ZNF574: variants seen among roughly 807,000 people sequenced by gnomAD.
ZNF574 encodes the protein zinc finger protein 574.
ZNF574 carries 25 observed loss-of-function variants against 56.6 expected under a neutral mutation model. That is an observed-to-expected ratio of 0.44 (90% confidence interval 0.32 to 0.62). The LOEUF is 0.62. ZNF574 is among the 20% of genes least tolerant of loss of function. The pLI, the probability that ZNF574 is intolerant of heterozygous loss-of-function variation, is 0.04. For missense variants in ZNF574, 1,065 were observed against 1,218.9 expected (o/e 0.87, Z 1.88); for synonymous variants, 543 against 492.1 (o/e 1.10, Z -1.37).
chr19:42,076,318 G>C (rs940135774), intron 1 of ZNF574, 32 bp downstream of exon 1: 1 of 152,160 alleles, frequency 6.6e-6, no homozygotes. Flanking sequence ...GAGGCCGGCC[G>C]GGCTGCGCTC....
chr19:42,080,322 G>T lies in ZNF574; in HGVS notation c.1716G>T (p.Val572=). 1 of 1,614,204 alleles carries T rather than the reference G, an allele frequency of 6.2e-7. No homozygotes were observed. Among genetic ancestry groups the T allele is most frequent in the East Asian group, 2.2e-5 (1 of 44,878 alleles). Reference sequence around the variant, plus strand: ...CCACACTGAGGCAGCACCGCTTGGTGCATGCCCAGCACTTCCCCTACCGCT... The same window carrying T: ...CCACACTGAGGCAGCACCGCTTGGTTCATGCCCAGCACTTCCCCTACCGCT... ...QSSTLRQHRL[V]HAQHFPYRCQ... Residue 572 remains valine (V), a synonymous_variant, in exon 2 of 2, where the codon GTG becomes GTT. Transcript: ENST00000359044. This position sits in a 1 kb window ranked among gnomAD's most constrained non-coding sequence, Gnocchi z 8.5.
chr19:42,078,186 A>T (rs2146212722), intron 1 of ZNF574, among the ~76,000 whole-genome samples: 1 of 151,974 alleles, frequency 6.6e-6, no homozygotes, highest in Non-Finnish European at 1.5e-5. Flanking sequence ...GGTACCTTGG[A>T]GAGGAATGGG....
chr19:42,069,830 G>C (rs927409685), intron 1 of ZNF574, among the ~76,000 whole-genome samples: 1 of 152,102 alleles, frequency 6.6e-6, no homozygotes, highest in Admixed American at 6.5e-5. Context: ...CAGCCCCCAC[G>C]GGAAAAGCAT....
chr19:42,069,901 G>A (rs185877956), intron 1 of ZNF574, among the ~76,000 whole-genome samples: 52 of 152,216 alleles, frequency 3.4e-4, no homozygotes, highest in African/African-American at 1.1e-3. Flanking sequence ...TGGGAGACCC[G>A]GAGAGGCCAA....
chr19:42,072,745 T>C (rs1237700665), upstream of ZNF574, among the ~76,000 whole-genome samples: 6 of 152,176 alleles, frequency 3.9e-5, no homozygotes, highest in Non-Finnish European at 5.9e-5. Flanking sequence ...TTTGTATTTT[T>C]AGTAGAGACG....
chr19:42,071,616 C>G (rs2076423658), upstream of ZNF574, among the ~76,000 whole-genome samples: 1 of 152,116 alleles, frequency 6.6e-6, no homozygotes, highest in Non-Finnish European at 1.5e-5. Context: ...TCTACACCGC[C>G]CCCTCAAACA....
chr19:42,075,105 C>G (rs974022683), upstream of ZNF574: 1 of 152,122 alleles, frequency 6.6e-6, no homozygotes, highest in African/African-American at 2.4e-5. Flanking sequence ...AGGTGGGTCT[C>G]GAATGCCTGA....
chr19:42,081,028 C>T lies in ZNF574; in HGVS notation c.2422C>T (p.Arg808Cys). The T allele has an allele frequency of 1.1e-5, 18 of 1,614,154 alleles. No homozygotes were observed. Among genetic ancestry groups the T allele is most frequent in the Non-Finnish European group, 1.5e-5 (18 of 1,180,046 alleles). The change falls in exon 2 of 2, where the codon CGC becomes TGC. Residue 808 changes from arginine (R) to cysteine (C), a missense_variant. By Grantham distance (180) the Arg-to-Cys change is radical. Coordinates refer to ENST00000359044, the MANE Select transcript of ZNF574 (RefSeq NM_022752.6). ...VCGKAFAISM[R>C]LAEHRRIHTG... Reference sequence around the variant, plus strand: ...TGGCAAGGCCTTTGCCATCTCCATGCGCCTGGCAGAACATCGCCGCATCCA... The same window carrying T: ...TGGCAAGGCCTTTGCCATCTCCATGTGCCTGGCAGAACATCGCCGCATCCA...
rs758580635 is a variant in ZNF574, at chr19:42,079,199, C to T, written c.593C>T (p.Ala198Val). 5 of 1,613,804 alleles carry T rather than the reference C, an allele frequency of 3.1e-6. No individual in the cohort carries two copies. Among genetic ancestry groups the T allele is most frequent in the Non-Finnish European group, 4.2e-6 (5 of 1,180,034 alleles). The stretch of plus-strand genomic sequence containing the variant: ...GGGGAAGGGGCGACTGTCCCATCTG[C>T]CGCTGCCACCACCACTGAGGTAGTG... The part of the protein sequence containing the change: ...EGGEGATVPS[A>V]AATTTEVVTE... The change falls in exon 2 of 2, where the codon GCC becomes GTC. Residue 198 changes from alanine to valine, a missense_variant. Coordinates refer to ENST00000359044, the MANE Select transcript of ZNF574 (RefSeq NM_022752.6). The surrounding 1 kb of genome is among the most constrained non-coding windows in gnomAD (Gnocchi z 4.3).
At position 42,079,677 on chromosome 19, in the gene ZNF574, C is replaced by G; in HGVS notation, c.1071C>G (p.Asp357Glu). ...SPSSLDQHLGDHSSESHFLCV... is the reference protein window; with the variant it reads ...SPSSLDQHLGEHSSESHFLCV... ...CCAGTCTGGACCAGCACCTTGGAGA[C>G]CATAGCAGCGAGTCACACTTCCTGT... The change falls in exon 2 of 2, where the codon GAC (aspartate) becomes GAG (glutamate). Residue 357 changes from aspartate (D) to glutamate (E), a missense_variant. Coordinates refer to ENST00000359044, the MANE Select transcript of ZNF574 (RefSeq NM_022752.6). The surrounding 1 kb of genome is among the most constrained non-coding windows in gnomAD (Gnocchi z 4.3). 6.2e-7 allele frequency: 1 copy of G among 1,614,150 alleles called. No homozygotes were observed. Among genetic ancestry groups the G allele is most frequent in the East Asian group, 2.2e-5 (1 of 44,888 alleles).
Position 42,080,822 on chromosome 19 carries a change from A to G in ZNF574, c.2216A>G (p.Glu739Gly). ...PAAPARRRGL[E>G]CSECKKLFST... ...GCCCCTGCCCGCCGCCGGGGTCTAG[A>G]GTGCAGCGAGTGCAAGAAGCTGTTC... Residue 739 changes from glutamate to glycine, a missense_variant, in exon 2 of 2, where the codon GAG (glutamate) becomes GGG (glycine). By Grantham distance (98) the Glu-to-Gly change is moderately conservative. Coordinates refer to ENST00000359044, the MANE Select transcript of ZNF574 (RefSeq NM_022752.6). This position sits in a 1 kb window ranked among gnomAD's most constrained non-coding sequence, Gnocchi z 8.5. The G allele has an allele frequency of 6.2e-7, 1 of 1,614,030 alleles. No homozygotes were observed. The highest frequency in any genetic ancestry group is 8.5e-7 in the Non-Finnish European group (1 of 1,180,022).
Position 42,080,961 on chromosome 19 carries a change from G to T in ZNF574, c.2355G>T (p.Arg785=). ...AGAGTACCCACCTGAAAGACCACCG[G>T]CGCCTGCACACAGGTGAGCGGCCCT... The part of the protein sequence containing the change: ...FRQSTHLKDH[R]RLHTGERPFA... Residue 785 remains arginine, a synonymous_variant, in exon 2 of 2, where the codon CGG becomes CGT. Coordinates refer to ENST00000359044, the MANE Select transcript of ZNF574 (RefSeq NM_022752.6). The surrounding 1 kb of genome is among the most constrained non-coding windows in gnomAD (Gnocchi z 8.5). The T allele has an allele frequency of 6.2e-7, 1 of 1,614,154 alleles. No individual in the cohort carries two copies. Among genetic ancestry groups the T allele is most frequent in the Non-Finnish European group, 8.5e-7 (1 of 1,180,024 alleles).
chr19:42,080,810 G>A lies in ZNF574; in HGVS notation c.2204G>A (p.Arg735His), dbSNP rs550636498. 30 of 1,613,874 alleles carry A rather than the reference G, an allele frequency of 1.9e-5. No homozygotes were observed. Among genetic ancestry groups the A allele is most frequent in the South Asian group, 1.2e-4 (11 of 91,088 alleles). The change falls in exon 2 of 2, where the codon CGC (arginine) becomes CAC (histidine). Residue 735 changes from arginine to histidine, a missense_variant. Transcript: ENST00000359044. This position sits in a 1 kb window ranked among gnomAD's most constrained non-coding sequence, Gnocchi z 8.5. ...ATASPAAPAR[R>H]RGLECSECKK... is the part of the protein sequence containing the mutation. ...GCATCCCCTGCGGCCCCTGCCCGCC[G>A]CCGGGGTCTAGAGTGCAGCGAGTGC...
Position 42,081,343 on chromosome 19 carries a change from G to A in ZNF574, c.*46G>A, listed in dbSNP as rs1277797000. The A allele has an allele frequency of 4.3e-6, 7 of 1,611,848 alleles. No homozygotes were observed. In the South Asian group the frequency reaches 6.6e-5, roughly 15 times the overall value. On this transcript the variant is annotated 3_prime_UTR_variant, in exon 2 of 2. Transcript: ENST00000359044. ...GGCACCTCCATTCCCTGTTGCTGAA[G>A]GCCCTCCAGCATCCCCTTAAGCATC...
At position 42,081,389 on chromosome 19, in the gene ZNF574, C is replaced by A; in HGVS notation, c.*92C>A. ...GCATCTGTACATACTGTGTCCCTTCCTCTTCCCATCCCCACCACCTTGTAA... is the reference window on the plus strand; with the variant it reads ...GCATCTGTACATACTGTGTCCCTTCATCTTCCCATCCCCACCACCTTGTAA... On this transcript the variant is annotated 3_prime_UTR_variant, in exon 2 of 2. Coordinates refer to ENST00000359044, the MANE Select transcript of ZNF574 (RefSeq NM_022752.6). 2.0e-6 allele frequency: 3 copies of A among 1,495,242 alleles called. No individual in the cohort carries two copies. Among genetic ancestry groups the A allele is most frequent in the Non-Finnish European group, 2.8e-6 (3 of 1,075,734 alleles). The allele number at this position is 1,495,242 out of a possible 1,614,324, so 92.6% of individuals were successfully genotyped here.
rs148166900 is a variant in ZNF574, at chr19:42,079,536, C to T, written c.930C>T (p.Phe310=). Residue 310 remains phenylalanine (F), a synonymous_variant, in exon 2 of 2, where the codon TTC becomes TTT. Coordinates refer to ENST00000359044, the MANE Select transcript of ZNF574 (RefSeq NM_022752.6). This position sits in a 1 kb window ranked among gnomAD's most constrained non-coding sequence, Gnocchi z 4.3. ...GCGGGGCAGCCACACAGGAGCTCTT[C>T]TGCTCAGCCTGTGACCAGCTCTTTC... is the stretch of plus-strand genomic sequence containing the variant. ...EAGGAATQEL[F]CSACDQLFLS... The T allele has an allele frequency of 1.9e-6, 3 of 1,614,036 alleles. No individual in the cohort carries two copies. Among genetic ancestry groups the T allele is most frequent in the Admixed American group, 1.7e-5 (1 of 60,032 alleles).
At chr19:42,074,437 A>G (rs1196892767), upstream of ZNF574, among the ~76,000 whole-genome samples, 2 of 151,700 alleles carry the variant, frequency 1.3e-5, no homozygotes, top group Non-Finnish European at 2.9e-5. Flanking sequence ...CCTGGGCGGC[A>G]GAGAAAGACT....
At position 42,080,342 on chromosome 19, in the gene ZNF574, A is replaced by G; in HGVS notation, c.1736A>G (p.Tyr579Cys). ...TTGGTGCATGCCCAGCACTTCCCCTACCGCTGCCAGGAATGTGGGGTGCGT... is the reference window on the plus strand; with the variant it reads ...TTGGTGCATGCCCAGCACTTCCCCTGCCGCTGCCAGGAATGTGGGGTGCGT... ...HRLVHAQHFP[Y>C]RCQECGVRFH... Residue 579 changes from tyrosine (Y) to cysteine (C), a missense_variant, in exon 2 of 2, where the codon TAC becomes TGC. Physicochemically the swap from Tyr to Cys is radical, Grantham distance 194. Transcript: ENST00000359044. The surrounding 1 kb of genome is among the most constrained non-coding windows in gnomAD (Gnocchi z 8.5). 6.2e-7 allele frequency: 1 copy of G among 1,614,044 alleles called. No homozygotes were observed. The highest frequency in any genetic ancestry group is 2.2e-5 in the East Asian group (1 of 44,884).
At chr19:42,069,673 G>C (rs1288150515) in intron 1 of ZNF574, among the ~76,000 whole-genome samples, 1 of 151,126 alleles carries the variant, frequency 6.6e-6, no homozygotes, top group African/African-American at 2.4e-5. Flanking sequence ...CAGGGGGCGA[G>C]GACTGGGTGG....
Sources: allele counts gnomAD v4.1 joint callset (sites outside exome capture counted in the v4.1 genomes callset), GRCh38; gene constraint gnomAD v4.1.1; non-coding constraint Gnocchi (gnomAD v3.1); transcripts MANE v1.5; gene names NCBI Gene and HGNC (gene_info 2026-07-23, HGNC 2026-07-21).